The following NAT1 variants were observed in gnomAD, a reference collection of about 807,000 sequenced individuals.
NAT1 encodes arylamine N-acetyltransferase 1.
For synonymous variants in NAT1, 144 were observed against 122.6 expected (o/e 1.17, Z -1.16); for missense variants, 400 against 339.2 (o/e 1.18, Z -1.41).
chr8:18,176,746 A>G (rs953273205), intron 2 of NAT1, among the ~76,000 whole-genome samples: 1 of 151,612 alleles, frequency 6.6e-6, no homozygotes, highest in South Asian at 2.1e-4. Flanking sequence ...TTCTATTTTT[A>G]TAAAAAAATA....
At chr8:18,194,065 C>T (rs994441788) in intron 2 of NAT1, among the ~76,000 whole-genome samples, 2 of 152,140 alleles carry the variant, frequency 1.3e-5, no homozygotes, top group Admixed American at 6.5e-5. Flanking sequence ...TGATGTGTAG[C>T]CCCCTGGAGC....
At chr8:18,195,156 A>C (rs1425962239) in intron 2 of NAT1, among the ~76,000 whole-genome samples, 1 of 152,208 alleles carries the variant, frequency 6.6e-6, no homozygotes, top group Non-Finnish European at 1.5e-5. Context: ...GTGAACATGG[A>C]GGACAACACA....
At chr8:18,174,479 G>A (rs775381083) in intron 2 of NAT1, among the ~76,000 whole-genome samples, 5 of 152,000 alleles carry the variant, frequency 3.3e-5, no homozygotes, top group Admixed American at 6.6e-5. Flanking sequence ...AAGGATGGCT[G>A]GAAAATTCTT....
intron 2 of NAT1, among the ~76,000 whole-genome samples, chr8:18,178,400 G>C (rs1371563032): frequency 6.6e-6 from 1 of 152,098 alleles, no homozygotes; most frequent in Non-Finnish European, 1.5e-5. Context: ...GTGTGGCTTT[G>C]ATATACTATT....
At chr8:18,185,633 A>G (rs1366473745) in intron 2 of NAT1, among the ~76,000 whole-genome samples, 3 of 152,036 alleles carry the variant, frequency 2.0e-5, no homozygotes, top group African/African-American at 7.2e-5. Context: ...TTTCTTTTTC[A>G]TAATTTCCAC....
intron 2 of NAT1, among the ~76,000 whole-genome samples, chr8:18,220,311 C>G (rs1227457693): frequency 6.6e-6 from 1 of 151,240 alleles, no homozygotes; most frequent in Non-Finnish European, 1.5e-5. Flanking sequence ...ATAGCTGGGT[C>G]AGAAAGGAAA....
At chr8:18,211,767 G>C (rs1199662253) in intron 1 of NAT1, among the ~76,000 whole-genome samples, 1 of 151,878 alleles carries the variant, frequency 6.6e-6, no homozygotes, top group East Asian at 1.9e-4. Flanking sequence ...GGGATTCCAT[G>C]CCCTTCTTTC....
chr8:18,183,215 T>G (rs1802591886), intron 2 of NAT1, among the ~76,000 whole-genome samples: 2 of 152,156 alleles, frequency 1.3e-5, no homozygotes, highest in African/African-American at 4.8e-5. Context: ...ACGATTGCAT[T>G]AATCCATTCA....
chr8:18,218,449 G>A (rs192164298), intron 1 of NAT1, among the ~76,000 whole-genome samples: 2 of 152,224 alleles, frequency 1.3e-5, no homozygotes, highest in Non-Finnish European at 2.9e-5. Flanking sequence ...GGAATTGTAA[G>A]GTATAGGTTT....
intron 2 of NAT1, among the ~76,000 whole-genome samples, chr8:18,220,277 T>G (rs972121067): frequency 1.3e-5 from 2 of 151,626 alleles, no homozygotes; most frequent in Admixed American, 1.3e-4. Context: ...ACAGAGAAAG[T>G]TGGAAACTGG....
At chr8:18,176,198 G>A (rs1249595050) in intron 2 of NAT1, among the ~76,000 whole-genome samples, 2 of 152,050 alleles carry the variant, frequency 1.3e-5, no homozygotes, top group East Asian at 1.9e-4. Flanking sequence ...CCGTGCAGAA[G>A]TTTCTGAGTT....
chr8:18,182,363 A>G (rs1427276914), intron 2 of NAT1, among the ~76,000 whole-genome samples: 1 of 152,142 alleles, frequency 6.6e-6, no homozygotes, highest in Non-Finnish European at 1.5e-5. Context: ...ACATACTATT[A>G]GTGCATTTTG....
chr8:18,216,758 G>C, intron 1 of NAT1: 1 of 586,152 alleles, frequency 1.7e-6, no homozygotes, highest in Non-Finnish European at 2.9e-6. Flanking sequence ...TTTCGTAAGA[G>C]GCTAAGCAGT....
At chr8:18,179,874 T>A (rs1272900585) in intron 2 of NAT1, among the ~76,000 whole-genome samples, 1 of 152,174 alleles carries the variant, frequency 6.6e-6, no homozygotes, top group African/African-American at 2.4e-5. Context: ...TGCCTGCCTC[T>A]AATGATTTGC....
At chr8:18,189,614 T>C (rs985663651) in intron 2 of NAT1, among the ~76,000 whole-genome samples, 2 of 152,190 alleles carry the variant, frequency 1.3e-5, no homozygotes, top group Admixed American at 6.5e-5. Context: ...TCAGTTTTTA[T>C]AGGTAGAAGG....
At chr8:18,204,527 GTT>G (rs200726725) in intron 2 of NAT1, among the ~76,000 whole-genome samples, 1,652 of 151,046 alleles carry the variant, frequency 0.011, 35 homozygotes, top group African/African-American at 0.038. Flanking sequence ...ATAAGTTTAA[GTT>G]TATATACTTT....
intron 2 of NAT1, among the ~76,000 whole-genome samples, chr8:18,182,053 T>C (rs1342052489): frequency 6.6e-6 from 1 of 152,192 alleles, no homozygotes; most frequent in Non-Finnish European, 1.5e-5. Context: ...CTCCTCTCTA[T>C]GGTGCCTGGC....
At chr8:18,183,053 G>A (rs1334400433) in intron 2 of NAT1, among the ~76,000 whole-genome samples, 1 of 152,140 alleles carries the variant, frequency 6.6e-6, no homozygotes. Flanking sequence ...CACAGATGGA[G>A]TAATTTATAA....
chr8:18,205,277 C>T (rs1187366885), upstream of NAT1, among the ~76,000 whole-genome samples: 1 of 152,120 alleles, frequency 6.6e-6, no homozygotes, highest in East Asian at 1.9e-4. Context: ...GGCAATGCAG[C>T]TGTGGGGGTG....
Sources: gnomAD v4.1 joint callset for allele counts (sites outside exome capture counted in the v4.1 genomes callset) on GRCh38, gnomAD v4.1.1 for gene constraint, MANE v1.5 for transcripts, NCBI Gene and HGNC (gene_info 2026-07-23, HGNC 2026-07-21) for gene names.